The following TTC23 variants were observed in gnomAD, a reference collection of about 807,000 sequenced individuals.
TTC23 encodes tetratricopeptide repeat protein 23.
In TTC23, 58 loss-of-function variants were observed where a neutral mutation model predicts 55.1. The ratio of observed to expected loss-of-function variants is 1.05; its 90% CI spans 0.85 to 1.31. TTC23 has a LOEUF of 1.31. TTC23 is among the 50% of genes most tolerant of loss of function. The pLI, the probability that TTC23 is intolerant of heterozygous loss-of-function variation, is 0.00. For missense variants in TTC23, 516 were observed against 534.4 expected (o/e 0.97, Z 0.34); for synonymous variants, 203 against 199.9 (o/e 1.02, Z -0.13).
At chr15:99,144,149 T>G (rs959226052) in intron 12 of TTC23, among the ~76,000 whole-genome samples, 6 of 152,200 alleles carry the variant, frequency 3.9e-5, no homozygotes, top group African/African-American at 1.4e-4. Context: ...AAGCATTTGA[T>G]GCAAACTTTC....
chr15:99,202,331 G>C (rs1339007292), intron 8 of TTC23, among the ~76,000 whole-genome samples: 1 of 152,274 alleles, frequency 6.6e-6, no homozygotes, highest in East Asian at 1.9e-4. Context: ...AAGATGCAGT[G>C]TGCCATTGAA....
intron 9 of TTC23, among the ~76,000 whole-genome samples, chr15:99,176,277 T>C (rs563731242): frequency 1.3e-5 from 2 of 152,252 alleles, no homozygotes; most frequent in Admixed American, 6.5e-5. Flanking sequence ...AGTAGGTAGG[T>C]AGTTCACAAT....
At chr15:99,169,849 C>G (rs938850555) in intron 10 of TTC23, among the ~76,000 whole-genome samples, 2 of 152,168 alleles carry the variant, frequency 1.3e-5, no homozygotes, top group African/African-American at 4.8e-5. Context: ...GCTCCCTAAA[C>G]TCTAACCAGA....
At chr15:99,170,506 G>A (rs774100635) in intron 10 of TTC23, among the ~76,000 whole-genome samples, 2 of 152,186 alleles carry the variant, frequency 1.3e-5, no homozygotes, top group Non-Finnish European at 2.9e-5. Context: ...GGTGCTGGGT[G>A]GAATGTGCAG....
At chr15:99,204,157 A>G (rs1338251246) in intron 8 of TTC23, among the ~76,000 whole-genome samples, 3 of 152,042 alleles carry the variant, frequency 2.0e-5, no homozygotes, top group Non-Finnish European at 4.4e-5. Context: ...ACCAGCATCC[A>G]TTACTGCCTT....
At chr15:99,197,104 C>CTT (rs71456913) in intron 9 of TTC23, among the ~76,000 whole-genome samples, 7 of 142,276 alleles carry the variant, frequency 4.9e-5, no homozygotes, top group African/African-American at 5.1e-5. Flanking sequence ...GGTTTCTGTT[C>CTT]TTTTTTTTTT....
intron 8 of TTC23, among the ~76,000 whole-genome samples, chr15:99,209,999 G>A (rs527582962): frequency 4.7e-4 from 72 of 152,162 alleles, no homozygotes; most frequent in Non-Finnish European, 7.8e-4. Context: ...CAAATGGTCC[G>A]CCTGCTTCGG....
intron 6 of TTC23, among the ~76,000 whole-genome samples, chr15:99,221,291 T>C (rs1481626867): frequency 3.3e-5 from 5 of 152,220 alleles, no homozygotes; most frequent in Non-Finnish European, 5.9e-5. Flanking sequence ...ATTTTTTCCC[T>C]TGAATTTTTA....
chr15:99,217,411 C>A (rs577645716), intron 8 of TTC23, among the ~76,000 whole-genome samples: 1 of 152,290 alleles, frequency 6.6e-6, no homozygotes, highest in East Asian at 1.9e-4. Context: ...CCTGCCTCAG[C>A]CTCCCAAAGT....
At chr15:99,154,720 T>A (rs1041145600) in intron 12 of TTC23, among the ~76,000 whole-genome samples, 2 of 152,236 alleles carry the variant, frequency 1.3e-5, no homozygotes, top group African/African-American at 4.8e-5. Flanking sequence ...TAATCTCCAC[T>A]GATGCTGAAA....
At chr15:99,209,117 T>C (rs571649968) in intron 8 of TTC23, among the ~76,000 whole-genome samples, 3 of 152,320 alleles carry the variant, frequency 2.0e-5, no homozygotes, top group Non-Finnish European at 1.5e-5. Flanking sequence ...GAGGAGACAC[T>C]ATCTCATTGC....
At chr15:99,143,900 T>C (rs260114) in intron 12 of TTC23, among the ~76,000 whole-genome samples, 118,467 of 152,096 alleles carry the variant, frequency 0.78, 46,479 homozygotes, top group African/African-American at 0.87. Context: ...AGGACAAACA[T>C]GTAAGCTGGG....
At position 99,162,742 on chromosome 15, in the gene TTC23, C is replaced by G. The variant is rs1039273265; in HGVS notation, c.866-875G>C. Among the ~76,000 whole-genome samples, 6 of 152,078 alleles carry G rather than the reference C, an allele frequency of 3.9e-5. No homozygotes were observed. The East Asian group carries it at 9.6e-4, about 24-fold the overall frequency. The stretch of plus-strand genomic sequence containing the variant: ...AACTTGTGAGTATGAAGATATAGTT[C>G]TCCTGAGATGAGCTTATGTTATAGG... On this transcript the variant is annotated intron_variant, in intron 10 of 13. Coordinates refer to ENST00000394132, the MANE Select transcript of TTC23 (RefSeq NM_001288615.3).
At chr15:99,225,568 G>T (rs2078331565) in intron 5 of TTC23, among the ~76,000 whole-genome samples, 2 of 152,184 alleles carry the variant, frequency 1.3e-5, no homozygotes, top group Admixed American at 6.5e-5. Flanking sequence ...ATAACAGGTT[G>T]TAGTGTATTT....
chr15:99,194,069 T>C (rs1046767810), intron 9 of TTC23, among the ~76,000 whole-genome samples: 2 of 152,054 alleles, frequency 1.3e-5, no homozygotes, highest in African/African-American at 4.8e-5. Context: ...CTTTAGGAAC[T>C]CATAGCTGAG....
At chr15:99,190,266 T>TTG (rs975398424) in intron 9 of TTC23, among the ~76,000 whole-genome samples, 6 of 151,062 alleles carry the variant, frequency 4.0e-5, no homozygotes, top group African/African-American at 1.2e-4. Flanking sequence ...TGTTTTTTTT[T>TTG]TTTGTTTGTT....
chr15:99,202,237 A>T (rs1473370846), intron 8 of TTC23, among the ~76,000 whole-genome samples: 1 of 152,178 alleles, frequency 6.6e-6, no homozygotes, highest in Non-Finnish European at 1.5e-5. Context: ...TTTCCACCTA[A>T]TTTAGCCTAG....
intron 9 of TTC23, among the ~76,000 whole-genome samples, chr15:99,179,208 C>T (rs181617044): frequency 1.2e-4 from 19 of 152,322 alleles, no homozygotes; most frequent in Non-Finnish European, 2.4e-4. Context: ...TCTCAGGTGC[C>T]CAGTCCCTGG....
intron 12 of TTC23, among the ~76,000 whole-genome samples, chr15:99,153,368 C>T (rs1343389157): frequency 6.6e-6 from 1 of 152,212 alleles, no homozygotes; most frequent in Admixed American, 6.5e-5. Flanking sequence ...TATTTACTAC[C>T]TAACTGATAG....
Sources: allele counts gnomAD v4.1 joint callset (sites outside exome capture counted in the v4.1 genomes callset), GRCh38; gene constraint gnomAD v4.1.1; transcripts MANE v1.5; gene names NCBI Gene and HGNC (gene_info 2026-07-23, HGNC 2026-07-21).